The following PRPF31 variants were observed in gnomAD, a reference collection of about 807,000 sequenced individuals.
PRPF31 encodes U4/U6 small nuclear ribonucleoprotein Prp31.
A neutral mutation model predicts 60.4 loss-of-function variants in PRPF31; 12 were observed. That is an observed-to-expected ratio of 0.20 (90% CI 0.13 to 0.32). PRPF31 has a LOEUF of 0.32. Ranked by LOEUF, PRPF31 falls within the 10% of genes least tolerant of loss-of-function variation. PRPF31 has a pLI of 1.00. For missense variants in PRPF31, 431 were observed against 687.1 expected (o/e 0.63, Z 4.17); for synonymous variants, 287 against 287.9 (o/e 1.00, Z 0.03).
intron 8 of PRPF31, among the ~76,000 whole-genome samples, chr19:54,126,272 G>A (rs1286858372): frequency 3.9e-5 from 6 of 152,212 alleles, no homozygotes; most frequent in African/African-American, 7.2e-5. Context: ...AGTCACCACC[G>A]TCCTCGTTGT....
At chr19:54,122,901 T>A in intron 5 of PRPF31, 1 of 537,436 alleles carries the variant, frequency 1.9e-6, no homozygotes, top group Non-Finnish European at 3.4e-6. Flanking sequence ...ACACGGAGAT[T>A]TGGGGGAGAG....
At chr19:54,128,525 C>A in intron 11 of PRPF31, 148 bp downstream of exon 11, 1 of 853,966 alleles carries the variant, frequency 1.2e-6, no homozygotes, top group Non-Finnish European at 1.9e-6. Flanking sequence ...CCTCTATTCT[C>A]GTTTCCATCC....
intron 3 of PRPF31, 44 bp from the exon 4 acceptor site, chr19:54,121,816 G>A (rs767408221): frequency 1.3e-6 from 2 of 1,560,292 alleles, no homozygotes; most frequent in Non-Finnish European, 1.7e-6. Context: ...CCGAGAGGGG[G>A]TAGGGATTTA....
In PRPF31 at chr19:54,124,655, C is replaced by G. The variant is rs1455732984; in HGVS notation, c.854C>G (p.Pro285Arg). The change falls in exon 8 of 14, where the codon CCG (proline) becomes CGG (arginine). Residue 285 changes from proline (P) to arginine (R), a missense_variant and splice_region_variant. By Grantham distance (103) the Pro-to-Arg change is moderately radical. Transcript: ENST00000321030. ...YHSDIVQSLP[P>R]DLRRKAARLV... ...AGTGACATCGTGCAGTCCCTGCCAC[C>G]GGTGAGCCCACTGCGTCATGGCCCC... The G allele has an allele frequency of 6.2e-7, 1 of 1,612,428 alleles. No individual in the cohort carries two copies. Among genetic ancestry groups the G allele is most frequent in the Non-Finnish European group, 8.5e-7 (1 of 1,179,992 alleles).
intron 1 of PRPF31, among the ~76,000 whole-genome samples, chr19:54,117,925 A>G (rs1410247373): frequency 6.6e-6 from 1 of 152,204 alleles, no homozygotes; most frequent in African/African-American, 2.4e-5. Flanking sequence ...AGTGCAAGAC[A>G]GTATCTAGTG....
At position 54,131,517 on chromosome 19, in the gene PRPF31, GGGA is replaced by G; in HGVS notation, c.*87_*89del. On this transcript the variant is annotated 3_prime_UTR_variant, in exon 14 of 14. Transcript: ENST00000321030. ...GAAGGGCTAGGATCGGGTTCTGGCA[GGGA>G]GAACCTGCCCTGCCACTGGCCCCAT... The G allele has an allele frequency of 6.5e-7, 1 of 1,547,048 alleles. No homozygotes were observed. Among genetic ancestry groups the G allele is most frequent in the Non-Finnish European group, 8.8e-7 (1 of 1,141,030 alleles).
At chr19:54,119,254 T>C (rs2073728283) in intron 3 of PRPF31, among the ~76,000 whole-genome samples, 3 of 151,542 alleles carry the variant, frequency 2.0e-5, no homozygotes, top group African/African-American at 7.3e-5. Context: ...TGGTGGCGGG[T>C]GCCTGTAGTC....
intron 9 of PRPF31, 29 bp from the exon 10 acceptor site, chr19:54,128,044 C>T (rs1388340936): frequency 6.5e-7 from 1 of 1,548,334 alleles, no homozygotes; most frequent in Non-Finnish European, 8.7e-7. Context: ...ACGCGAGCAG[C>T]TGCAGGACCT....
rs371552351 is a variant in PRPF31 at position 54,131,619 on chromosome 19, G to C, written c.*187G>C. ...CCCCCAGGACCGAGATCACCGCCCA[G>C]TATGGGCTAGAGCAGGTCTTCATCA... is the stretch of plus-strand genomic sequence containing the variant. On this transcript the variant is annotated 3_prime_UTR_variant, in exon 14 of 14. Coordinates refer to ENST00000321030, the MANE Select transcript of PRPF31 (RefSeq NM_015629.4). 26 of 803,792 alleles carry C rather than the reference G, an allele frequency of 3.2e-5. No individual in the cohort carries two copies. In the East Asian group the frequency reaches 3.7e-4, roughly 12 times the overall value. 49.8% of individuals were successfully genotyped at this position (803,792 alleles called of 1,614,324 possible).
chr19:54,127,672 C>T (rs766984758), intron 9 of PRPF31, among the ~76,000 whole-genome samples: 4 of 152,174 alleles, frequency 2.6e-5, no homozygotes, highest in African/African-American at 9.7e-5. Context: ...TAGATGTACT[C>T]GGGAGAGGAG....
rs587625413 is a variant in PRPF31, at chr19:54,128,593, C to T, written c.1146+216C>T. Among the ~76,000 whole-genome samples, 41 of 150,084 alleles carry T rather than the reference C, an allele frequency of 2.7e-4. 1 individual carries two copies. The highest frequency in any genetic ancestry group is 2.5e-3 in the Admixed American group (37 of 14,872). ...GAGCCTGTGTCTCCGCTGCTTAGAGCCCCCGCGGCTTCCCATCGCCCCGGG... is the reference window on the plus strand; with the variant it reads ...GAGCCTGTGTCTCCGCTGCTTAGAGTCCCCGCGGCTTCCCATCGCCCCGGG... On this transcript the variant is annotated intron_variant, in intron 11 of 13. Coordinates refer to ENST00000321030, the MANE Select transcript of PRPF31 (RefSeq NM_015629.4).
rs1568597642 is a variant in PRPF31, at chr19:54,128,182, A to G, written c.1055A>G (p.Lys352Arg). The change falls in exon 10 of 14, where the codon AAG (lysine) becomes AGG (arginine). Residue 352 changes from lysine (K) to arginine (R), a missense_variant. Physicochemically the swap from Lys to Arg is conservative, Grantham distance 26. Transcript: ENST00000321030. ...PLPAPLDGQRKKRGGRRYRKM... is the reference protein window; with the variant it reads ...PLPAPLDGQRRKRGGRRYRKM... ...CCTGCGCCCCTGGATGGACAGCGGA[A>G]GAAGCGAGGCGGCCGCAGGTGAGGG... is the stretch of plus-strand genomic sequence containing the variant. 1.3e-6 allele frequency: 2 copies of G among 1,569,928 alleles called. No homozygotes were observed. Among genetic ancestry groups the G allele is most frequent in the Non-Finnish European group, 1.7e-6 (2 of 1,159,634 alleles).
chr19:54,123,639 C>G, intron 6 of PRPF31, 79 bp downstream of exon 6: 1 of 1,597,484 alleles, frequency 6.3e-7, no homozygotes, highest in Non-Finnish European at 8.5e-7. Flanking sequence ...GGTGTACACA[C>G]GCACACACAC....
At chr19:54,117,723 T>A (rs1481763428) in intron 1 of PRPF31, among the ~76,000 whole-genome samples, 1 of 148,178 alleles carries the variant, frequency 6.7e-6, no homozygotes, top group African/African-American at 2.5e-5. Context: ...TGGTGGCAGG[T>A]GCCTGTAGTC....
At position 54,131,583 on chromosome 19, in the gene PRPF31, C is replaced by A. The variant is rs587650588; in HGVS notation, c.*151C>A. The stretch of plus-strand genomic sequence containing the variant: ...CCAGGGAGGAGGCCTTGGAAGAGTC[C>A]GGCCTGGCCTCCCCCAGGACCGAGA... On this transcript the variant is annotated 3_prime_UTR_variant, in exon 14 of 14. Transcript: ENST00000321030. 512 of 1,224,686 alleles carry A rather than the reference C, an allele frequency of 4.2e-4. 11 individuals are homozygous for A. In the South Asian group the frequency reaches 6.4e-3, roughly 15 times the overall value. 75.9% of individuals were successfully genotyped at this position (1,224,686 alleles called of 1,614,324 possible). A position where few individuals can be genotyped will look rare whatever the true frequency, so the allele number is the denominator to read the frequency against.
At position 54,123,761 on chromosome 19, in the gene PRPF31, G is replaced by C; in HGVS notation, c.540G>C (p.Ser180=). 6.2e-7 allele frequency: 1 copy of C among 1,610,718 alleles called. No individual in the cohort carries two copies. Among genetic ancestry groups the C allele is most frequent in the South Asian group, 1.1e-5 (1 of 91,038 alleles). ...CCCGCCCCTGCAGGCAGCAGCTGTC[G>C]GAGGAGGAGCTGGAGCGGCTGGAGG... ...TASTTQGQQL[S]EEELERLEEA... Residue 180 remains serine, a synonymous_variant, in exon 7 of 14, where the codon TCG becomes TCC. Transcript: ENST00000321030.
intron 3 of PRPF31, chr19:54,119,524 T>A (rs1434398440): frequency 6.7e-6 from 1 of 149,636 alleles, no homozygotes; most frequent in Non-Finnish European, 1.5e-5. Flanking sequence ...TGAGATAGAG[T>A]CTCCCTCTGT....
intron 3 of PRPF31, chr19:54,118,912 G>T: frequency 2.0e-6 from 1 of 505,088 alleles, no homozygotes. Context: ...CCGGTTACAG[G>T]GTTTTTGCCA....
At chr19:54,123,939 C>G (rs1224369741) in intron 7 of PRPF31, 21 bp downstream of exon 7, 1 of 1,612,712 alleles carries the variant, frequency 6.2e-7, no homozygotes, top group East Asian at 2.2e-5. Context: ...GGGCTGGGTC[C>G]CATGGAGCGG....
Sources: gnomAD v4.1 joint callset for allele counts (sites outside exome capture counted in the v4.1 genomes callset) on GRCh38, gnomAD v4.1.1 for gene constraint, MANE v1.5 for transcripts, NCBI Gene and HGNC (gene_info 2026-07-23, HGNC 2026-07-21) for gene names.